ATOH8: variants seen among roughly 807,000 people sequenced by gnomAD.
ATOH8 encodes the protein transcription factor ATOH8.
ATOH8 carries 9 observed loss-of-function variants against 21.2 expected under a neutral mutation model. That is an observed-to-expected ratio of 0.42 (90% CI 0.26 to 0.74). The LOEUF (loss-of-function observed/expected upper bound fraction) is 0.74. Among genes scored for constraint, ATOH8 ranks in the 30% least tolerant of loss-of-function variants. The probability of loss-of-function intolerance (pLI) is 0.24; values close to 1 mark genes in which losing one functional copy is unlikely to be tolerated. For missense variants in ATOH8, 524 were observed against 470.9 expected (o/e 1.11, Z -1.04); for synonymous variants, 253 against 224.0 (o/e 1.13, Z -1.16).
At position 85,791,166 on chromosome 2, in the gene ATOH8, C is replaced by A. The variant is rs1431019183; in HGVS notation, c.*4276C>A. Among the ~76,000 whole-genome samples the A allele has an allele frequency of 6.6e-6, 1 of 152,114 alleles. No individual in the cohort carries two copies. Among genetic ancestry groups the A allele is most frequent in the African/African-American group, 2.4e-5 (1 of 41,426 alleles). ...ACCCCAGACAAACTATGCCTGCCTC[C>A]CTGAAGCCAGGCATCCTGAGGAACT... On this transcript the variant is annotated 3_prime_UTR_variant, in exon 3 of 3. Transcript: ENST00000306279.
Position 85,789,770 on chromosome 2 carries a change from G to A in ATOH8, c.*2880G>A, listed in dbSNP as rs1680716771. 6.6e-6 allele frequency among the ~76,000 whole-genome samples: 1 copy of A among 152,128 alleles called. No individual in the cohort carries two copies. Among genetic ancestry groups the A allele is most frequent in the African/African-American group, 2.4e-5 (1 of 41,420 alleles). On this transcript the variant is annotated 3_prime_UTR_variant, in exon 3 of 3. Transcript: ENST00000306279. ...AAGCCGCTGGTCTAAGTGGGGTCTGGTCTACGATAAGAAAGTGACTTTGAG... is the reference window on the plus strand; with the variant it reads ...AAGCCGCTGGTCTAAGTGGGGTCTGATCTACGATAAGAAAGTGACTTTGAG...
At chr2:85,777,241 C>A (rs1201119726) in intron 2 of ATOH8, among the ~76,000 whole-genome samples, 1 of 152,132 alleles carries the variant, frequency 6.6e-6, no homozygotes, top group Non-Finnish European at 1.5e-5. Context: ...TCGGTATGGT[C>A]TTTGGAGCCC....
chr2:85,774,604 C>G (rs941299888), intron 2 of ATOH8: 8 of 985,522 alleles, frequency 8.1e-6, no homozygotes, highest in Non-Finnish European at 9.6e-6. Flanking sequence ...TCAGCCCCAC[C>G]AGAGCCCCTC....
At chr2:85,762,247 C>T (rs1195683387) in intron 1 of ATOH8, among the ~76,000 whole-genome samples, 1 of 152,156 alleles carries the variant, frequency 6.6e-6, no homozygotes, top group Non-Finnish European at 1.5e-5. Flanking sequence ...GTCTCTTGCC[C>T]AGAGCATTAC....
In ATOH8 at chr2:85,783,424, C is replaced by T. The variant is rs758335297; in HGVS notation, c.961-3461C>T. Among the ~76,000 whole-genome samples, 11 of 152,122 alleles carry T rather than the reference C, an allele frequency of 7.2e-5. 1 individual carries two copies. The South Asian group carries it at 1.2e-3, about 17-fold the overall frequency. On this transcript the variant is annotated intron_variant, in intron 2 of 2. Transcript: ENST00000306279. ...TCTACTAAAAATACAAAAAATTAGC[C>T]GGGTGTGGTGGCGCACGCCTGTAAT... is the stretch of plus-strand genomic sequence containing the variant.
At chr2:85,755,778 G>T (rs1302512541) in intron 1 of ATOH8, among the ~76,000 whole-genome samples, 1 of 152,168 alleles carries the variant, frequency 6.6e-6, no homozygotes, top group Non-Finnish European at 1.5e-5. Context: ...AATCGCTTGG[G>T]CTTCTAGGCT....
At chr2:85,776,473 G>A (rs1456548805) in intron 2 of ATOH8, among the ~76,000 whole-genome samples, 2 of 152,234 alleles carry the variant, frequency 1.3e-5, no homozygotes, top group Non-Finnish European at 2.9e-5. Flanking sequence ...AGGGTCACTG[G>A]AGGCCACTGC....
chr2:85,764,041 G>T lies in ATOH8; in HGVS notation c.819G>T (p.Arg273Ser). The T allele has an allele frequency of 1.2e-6, 2 of 1,614,176 alleles. No individual in the cohort carries two copies. The highest frequency in any genetic ancestry group is 1.7e-6 in the Non-Finnish European group (2 of 1,180,042). ...AGCTGTCCAAACTGGCCATCCTGAG[G>T]ATCGCCTGTAACTACATCCTGTCCC... The part of the protein sequence containing the change: ...GQKLSKLAIL[R>S]IACNYILSLA... The change falls in exon 2 of 3, where the codon AGG becomes AGT. Residue 273 changes from arginine (R) to serine (S), a missense_variant. Transcript: ENST00000306279.
At chr2:85,779,454 A>G (rs1283094243) in intron 2 of ATOH8, among the ~76,000 whole-genome samples, 1 of 152,258 alleles carries the variant, frequency 6.6e-6, no homozygotes, top group Non-Finnish European at 1.5e-5. Context: ...AGAAGGCGTC[A>G]GCATGGCATG....
At position 85,788,021 on chromosome 2, in the gene ATOH8, A is replaced by G. The variant is rs1292775677; in HGVS notation, c.*1131A>G. 2.0e-5 allele frequency: 3 copies of G among 152,660 alleles called. No homozygotes were observed. Among genetic ancestry groups the G allele is most frequent in the African/African-American group, 7.2e-5 (3 of 41,446 alleles). 9.5% of individuals were successfully genotyped at this position (152,660 alleles called of 1,614,324 possible). The stretch of plus-strand genomic sequence containing the variant: ...CCAAAGCTGTTCACGTCTGTGCTCA[A>G]CCATCTGCTTCAAATTGAAGTAAAA... On this transcript the variant is annotated 3_prime_UTR_variant, in exon 3 of 3. Coordinates refer to ENST00000306279, the MANE Select transcript of ATOH8 (RefSeq NM_032827.7).
intron 1 of ATOH8, 54 bp downstream of exon 1, chr2:85,755,011 G>A: frequency 6.6e-7 from 1 of 1,514,726 alleles, no homozygotes; most frequent in Non-Finnish European, 8.8e-7. Flanking sequence ...CTGCGGGAAT[G>A]GGTGGGCGAG....
intron 2 of ATOH8, among the ~76,000 whole-genome samples, chr2:85,781,869 CTCTG>C (rs1322241392): frequency 6.7e-6 from 1 of 149,890 alleles, no homozygotes; most frequent in Non-Finnish European, 1.5e-5. Context: ...CAGAGCAAGA[CTCTG>C]TCTAAAAAAA....
chr2:85,757,628 C>T (rs953999292), intron 1 of ATOH8, among the ~76,000 whole-genome samples: 8 of 152,156 alleles, frequency 5.3e-5, no homozygotes, highest in Non-Finnish European at 7.4e-5. Flanking sequence ...TCCTCCCCTG[C>T]ATGCCTTCTG....
intron 1 of ATOH8, among the ~76,000 whole-genome samples, chr2:85,756,072 G>T (rs571098819): frequency 6.6e-6 from 1 of 151,528 alleles, no homozygotes. Context: ...GGGCAGTAGT[G>T]CCTGTGTCCA....
intron 2 of ATOH8, among the ~76,000 whole-genome samples, chr2:85,769,717 C>T (rs914526273): frequency 1.6e-4 from 24 of 152,244 alleles, no homozygotes; most frequent in African/African-American, 5.8e-4. Context: ...CCCCTTCTGT[C>T]TGGATAGCTG....
intron 1 of ATOH8, among the ~76,000 whole-genome samples, chr2:85,762,453 A>G (rs1192250921): frequency 6.6e-6 from 1 of 152,226 alleles, no homozygotes; most frequent in South Asian, 2.1e-4. Flanking sequence ...AACCCTTTTG[A>G]GGGCCTGTTA....
chr2:85,774,147 G>A (rs948576143), intron 2 of ATOH8: 322 of 985,376 alleles, frequency 3.3e-4, no homozygotes, highest in Non-Finnish European at 3.5e-4. Flanking sequence ...TCCTGCCCAA[G>A]AAGTTGGTCT....
chr2:85,784,037 G>C (rs1456989033), intron 2 of ATOH8, among the ~76,000 whole-genome samples: 3 of 152,184 alleles, frequency 2.0e-5, no homozygotes, highest in African/African-American at 4.8e-5. Context: ...CAGGGAGGAA[G>C]GCGGATACCT....
rs1017186681 is a variant in ATOH8 at position 85,754,366 on chromosome 2, G to A, written c.177G>A (p.Gly59=). 28 of 1,601,144 alleles carry A rather than the reference G, an allele frequency of 1.7e-5. No homozygotes were observed. The highest frequency in any genetic ancestry group is 2.3e-5 in the Non-Finnish European group (27 of 1,175,178). Residue 59 remains glycine (G), a synonymous_variant, in exon 1 of 3, where the codon GGG becomes GGA. Transcript: ENST00000306279. ...APEPRAVATN[G]LRDRTHRLQP... ...AGCCCCGCGCCGTAGCCACCAACGG[G>A]CTGCGGGACAGGACCCATCGGCTGC... is the stretch of plus-strand genomic sequence containing the variant.
Sources: allele counts gnomAD v4.1 joint callset (sites outside exome capture counted in the v4.1 genomes callset), GRCh38; gene constraint gnomAD v4.1.1; transcripts MANE v1.5; gene names NCBI Gene and HGNC (gene_info 2026-07-23, HGNC 2026-07-21).